CDH18: variants seen among roughly 807,000 people sequenced by gnomAD.
CDH18 encodes the protein cadherin 18.
In CDH18, 31 loss-of-function variants were observed where a neutral mutation model predicts 67.9. The observed-to-expected ratio is 0.46, with a 90% CI of 0.34 to 0.62. The LOEUF (loss-of-function observed/expected upper bound fraction) is 0.62. CDH18 is among the 20% of genes least tolerant of loss of function. The pLI, the probability that CDH18 is intolerant of heterozygous loss-of-function variation, is 0.01. For synonymous variants in CDH18, 362 were observed against 347.2 expected, an observed-to-expected ratio of 1.04 and a Z score of -0.48; for missense variants, 890 against 975.5, an observed-to-expected ratio of 0.91 and a Z score of 1.17.
At chr5:19,904,763 A>G (rs924651707) in intron 2 of CDH18, among the ~76,000 whole-genome samples, 2 of 152,144 alleles carry the variant, frequency 1.3e-5, no homozygotes, top group African/African-American at 4.8e-5. Flanking sequence ...TTATAATTTG[A>G]TTTTGATCTA....
intron 8 of CDH18, among the ~76,000 whole-genome samples, chr5:19,552,735 T>C (rs565588290): frequency 7.9e-5 from 12 of 152,304 alleles, no homozygotes; most frequent in Admixed American, 6.5e-4. Flanking sequence ...TGGTCTTTAT[T>C]AGCCCTCTAA....
At position 19,604,546 on chromosome 5, in the gene CDH18, C is replaced by CAT. The variant is rs1212665552; in HGVS notation, c.811+7887_811+7888insAT. On this transcript the variant is annotated intron_variant, in intron 6 of 12. Coordinates refer to ENST00000382275, the MANE Select transcript of CDH18 (RefSeq NM_004934.5). ...TCAAATTAAAACACACACACACACA[C>CAT]ACACACACACACACACACACACACA... is the stretch of plus-strand genomic sequence containing the variant. Among the ~76,000 whole-genome samples, 206 of 150,470 alleles carry CAT rather than the reference C, an allele frequency of 1.4e-3. 1 individual carries two copies. The highest frequency in any genetic ancestry group is 4.8e-3 in the African/African-American group (196 of 41,132).
At chr5:20,574,748 C>T (rs1300337299) in intron 1 of CDH18, among the ~76,000 whole-genome samples, 1 of 152,068 alleles carries the variant, frequency 6.6e-6, no homozygotes, top group Non-Finnish European at 1.5e-5. Context: ...TTCACAGATG[C>T]TTAACCCGCA....
intron 2 of CDH18, among the ~76,000 whole-genome samples, chr5:20,048,634 A>ACTTC (rs1741120488): frequency 6.6e-6 from 1 of 151,596 alleles, no homozygotes; most frequent in East Asian, 1.9e-4. Context: ...ACTTCTGTTG[A>ACTTC]CTTCTCTTTC....
At chr5:19,832,915 T>A (rs553908950) in intron 3 of CDH18, among the ~76,000 whole-genome samples, 1 of 152,272 alleles carries the variant, frequency 6.6e-6, no homozygotes, top group African/African-American at 2.4e-5. Context: ...CCTGCTGTTT[T>A]GGTTACTATA....
At chr5:20,514,965 T>G (rs898006639) in intron 1 of CDH18, among the ~76,000 whole-genome samples, 1 of 151,912 alleles carries the variant, frequency 6.6e-6, no homozygotes, top group Non-Finnish European at 1.5e-5. Context: ...TTCATAGATA[T>G]GACAGCATGC....
At chr5:20,016,322 G>A (rs1737871469) in intron 2 of CDH18, among the ~76,000 whole-genome samples, 1 of 152,068 alleles carries the variant, frequency 6.6e-6, no homozygotes, top group Admixed American at 6.6e-5. Flanking sequence ...GAAGATGGAG[G>A]TTGGAGGAGG....
intron 3 of CDH18, among the ~76,000 whole-genome samples, chr5:19,766,275 T>A (rs1252597746): frequency 3.3e-5 from 5 of 152,202 alleles, no homozygotes; most frequent in Non-Finnish European, 7.4e-5. Flanking sequence ...AAGCTGGCAC[T>A]TTCTTACTCT....
At chr5:19,770,404 A>T (rs1219926323) in intron 3 of CDH18, among the ~76,000 whole-genome samples, 1 of 152,180 alleles carries the variant, frequency 6.6e-6, no homozygotes, top group Non-Finnish European at 1.5e-5. Flanking sequence ...ATTCAGATTA[A>T]AGGGACAGAT....
At chr5:19,817,378 C>G (rs889098300) in intron 3 of CDH18, among the ~76,000 whole-genome samples, 6 of 151,932 alleles carry the variant, frequency 3.9e-5, no homozygotes, top group Admixed American at 3.9e-4. Flanking sequence ...ATCTCTCCTA[C>G]AGATATACCA....
chr5:20,371,190 G>A (rs1049575476), intron 1 of CDH18, among the ~76,000 whole-genome samples: 2 of 152,024 alleles, frequency 1.3e-5, no homozygotes, highest in Admixed American at 6.6e-5. Context: ...GGGAGGGGGA[G>A]GGTTGGTGAG....
At chr5:19,517,521 A>T (rs1161538758) in intron 10 of CDH18, among the ~76,000 whole-genome samples, 1 of 152,112 alleles carries the variant, frequency 6.6e-6, no homozygotes, top group Non-Finnish European at 1.5e-5. Flanking sequence ...AAGTCAAAGA[A>T]TGCTTTGCTT....
intron 1 of CDH18, among the ~76,000 whole-genome samples, chr5:20,539,791 A>G (rs1489066104): frequency 6.6e-6 from 1 of 151,830 alleles, no homozygotes; most frequent in Non-Finnish European, 1.5e-5. Context: ...CCCTCCCTAG[A>G]AAAGAATAAA....
Position 20,049,516 on chromosome 5 carries a change from T to G in CDH18, c.-517-57502A>C, listed in dbSNP as rs375033901. On this transcript the variant is annotated intron_variant, in intron 2 of 14. Coordinates refer to the CDH18 transcript ENST00000507958. ...CCCTGATATTAAAACGTACATAAAA[T>G]GTTAAATACAAGAAACACTACAATA... is the stretch of plus-strand genomic sequence containing the variant. Among the ~76,000 whole-genome samples the G allele has an allele frequency of 1.8e-4, 27 of 151,776 alleles. No homozygotes were observed. The East Asian group carries it at 4.3e-3, about 24-fold the overall frequency.
chr5:19,873,770 C>A (rs1258171708), intron 2 of CDH18, among the ~76,000 whole-genome samples: 2 of 152,156 alleles, frequency 1.3e-5, no homozygotes, highest in African/African-American at 4.8e-5. Context: ...GCCTCACCCT[C>A]CCGAGTAGCT....
chr5:20,060,185 C>T (rs532633662), intron 2 of CDH18, among the ~76,000 whole-genome samples: 7 of 152,118 alleles, frequency 4.6e-5, no homozygotes, highest in South Asian at 4.1e-4. Context: ...AGAATATAGG[C>T]GGAGCGTGGT....
At chr5:20,171,863 C>A (rs1243898755) in intron 2 of CDH18, among the ~76,000 whole-genome samples, 2 of 151,176 alleles carry the variant, frequency 1.3e-5, no homozygotes, top group African/African-American at 4.9e-5. Flanking sequence ...CCATTTAAGT[C>A]TTTAAATTGT....
At chr5:19,666,220 C>A (rs1438197594) in intron 5 of CDH18, among the ~76,000 whole-genome samples, 2 of 148,112 alleles carry the variant, frequency 1.4e-5, no homozygotes, top group Non-Finnish European at 3.0e-5. Context: ...CAGTCATGTC[C>A]CCACGCCTGT....
chr5:20,406,751 T>C (rs1006692103), intron 1 of CDH18, among the ~76,000 whole-genome samples: 6 of 152,136 alleles, frequency 3.9e-5, no homozygotes, highest in African/African-American at 1.2e-4. Flanking sequence ...AGAAGGAAGA[T>C]AGTAGAATAG....
Sources: gnomAD v4.1 joint callset for allele counts (sites outside exome capture counted in the v4.1 genomes callset) on GRCh38, gnomAD v4.1.1 for gene constraint, MANE v1.5 for transcripts, NCBI Gene and HGNC (gene_info 2026-07-23, HGNC 2026-07-21) for gene names.